The following COL28A1 variants were observed in gnomAD, a reference collection of about 807,000 sequenced individuals.
COL28A1 encodes collagen alpha-1(XXVIII) chain.
COL28A1 carries 161 observed loss-of-function variants against 150.2 expected under a neutral mutation model. The observed-to-expected ratio is 1.07, with a 90% CI of 0.94 to 1.22. The LOEUF (loss-of-function observed/expected upper bound fraction) is 1.22. COL28A1 is among the 50% of genes most tolerant of loss of function. The pLI is 0.00. For synonymous variants in COL28A1, 552 were observed against 469.7 expected (o/e 1.18, Z -2.26); for missense variants, 1,617 against 1,388.3 (o/e 1.16, Z -2.62).
intron 27 of COL28A1, among the ~76,000 whole-genome samples, chr7:7,389,062 C>A (rs1251791181): frequency 6.6e-6 from 1 of 151,860 alleles, no homozygotes; most frequent in South Asian, 2.1e-4. Flanking sequence ...AGTCATGAAG[C>A]CTTTGCCCAT....
intron 27 of COL28A1, among the ~76,000 whole-genome samples, chr7:7,394,731 A>C (rs139458437): frequency 2.1e-3 from 325 of 152,312 alleles, no homozygotes; most frequent in African/African-American, 7.4e-3. Flanking sequence ...CTAATGGAGA[A>C]GTAGGACACC....
downstream of COL28A1, chr7:7,356,269 G>C (rs867771014): frequency 6.6e-6 from 1 of 151,910 alleles, no homozygotes; most frequent in African/African-American, 2.4e-5. Context: ...GAGATATATA[G>C]AGTTTTACAT....
intron 9 of COL28A1, among the ~76,000 whole-genome samples, chr7:7,508,419 G>C (rs985238487): frequency 6.6e-6 from 1 of 152,092 alleles, no homozygotes; most frequent in Non-Finnish European, 1.5e-5. Context: ...TAGTCTACTA[G>C]AAGAGGATGA....
At chr7:7,521,094 A>C (rs555521079) in intron 5 of COL28A1, among the ~76,000 whole-genome samples, 10 of 152,298 alleles carry the variant, frequency 6.6e-5, no homozygotes, top group Non-Finnish European at 1.2e-4. Context: ...ATTAGTTGAA[A>C]ATTTTTATCC....
At chr7:7,433,670 T>TC (rs145741900) in intron 23 of COL28A1, among the ~76,000 whole-genome samples, 15,290 of 151,056 alleles carry the variant, frequency 0.1, 929 homozygotes, top group Middle Eastern at 0.22. Context: ...TACCTACAAG[T>TC]CCATTACACT....
At position 7,517,795 on chromosome 7, in the gene COL28A1, C is replaced by T. The variant is rs769208295; in HGVS notation, c.855+1G>A. 3.7e-6 allele frequency: 6 copies of T among 1,613,590 alleles called. No individual in the cohort carries two copies. The highest frequency in any genetic ancestry group is 5.1e-6 in the Non-Finnish European group (6 of 1,179,678). On this transcript the variant is annotated splice_donor_variant, in intron 7 of 34. Coordinates refer to ENST00000399429, the MANE Select transcript of COL28A1 (RefSeq NM_001037763.3). LOFTEE classifies it high-confidence loss of function. ...GGAAGGCATTCCAGTTGTGTACATA[C>T]CCCTGGACCTCTTTCTCCAGCTTCT...
chr7:7,405,141 A>G (rs1326764826), intron 27 of COL28A1, among the ~76,000 whole-genome samples: 1 of 152,244 alleles, frequency 6.6e-6, no homozygotes, highest in Non-Finnish European at 1.5e-5. Flanking sequence ...CTTCACTTTA[A>G]GCAGAAAGAA....
At chr7:7,345,801 T>G in the COL28A1 span, among the ~76,000 whole-genome samples, 3 of 152,138 alleles carry the variant, frequency 2.0e-5, no homozygotes, top group Non-Finnish European at 4.4e-5. Flanking sequence ...TTTTAGCAGC[T>G]TGACAATGAT....
chr7:7,367,858 A>C (rs1411658079), intron 33 of COL28A1, among the ~76,000 whole-genome samples: 1 of 150,532 alleles, frequency 6.6e-6, no homozygotes, highest in Non-Finnish European at 1.5e-5. Flanking sequence ...TCTCCATCTC[A>C]GTATATAGTG....
intron 13 of COL28A1, among the ~76,000 whole-genome samples, chr7:7,485,343 A>T (rs941622790): frequency 6.6e-6 from 1 of 152,002 alleles, no homozygotes; most frequent in African/African-American, 2.4e-5. Context: ...AATTTTTTTT[A>T]AAAATGTATT....
At chr7:7,431,899 G>T (rs74463668) in intron 25 of COL28A1, among the ~76,000 whole-genome samples, 66 of 152,310 alleles carry the variant, frequency 4.3e-4, no homozygotes, top group African/African-American at 1.6e-3. Flanking sequence ...AAAGGACTAG[G>T]TGTGGAGGAA....
At chr7:7,433,549 G>A (rs1785130643) in intron 23 of COL28A1, among the ~76,000 whole-genome samples, 1 of 150,962 alleles carries the variant, frequency 6.6e-6, no homozygotes, top group Non-Finnish European at 1.5e-5. Flanking sequence ...CAGGAGAATT[G>A]CTTGAACCTG....
rs12669673 is a variant in COL28A1, at chr7:7,445,380, G to A, written c.1510-891C>T. Among the ~76,000 whole-genome samples, 48 of 152,258 alleles carry A rather than the reference G, an allele frequency of 3.2e-4. 2 individuals carry two copies. The East Asian group carries it at 8.7e-3, about 28-fold the overall frequency. ...CCCTGAGAAGCTAAGATGAGACCAG[G>A]AAGCAATCTCCCTTACAGGTTTTGG... On this transcript the variant is annotated intron_variant, in intron 18 of 34. Coordinates refer to ENST00000399429, the MANE Select transcript of COL28A1 (RefSeq NM_001037763.3).
chr7:7,394,522 G>A lies in COL28A1; in HGVS notation c.2137-12910C>T, dbSNP rs568990041. On this transcript the variant is annotated intron_variant, in intron 27 of 34. Coordinates refer to ENST00000399429, the MANE Select transcript of COL28A1 (RefSeq NM_001037763.3). ...TATTCTTAAATTCATTTGAAGATGT[G>A]TTGAAAGCTGTATTTTCTGCTGCAG... Among the ~76,000 whole-genome samples, 10 of 152,298 alleles carry A rather than the reference G, an allele frequency of 6.6e-5. No individual in the cohort carries two copies. The East Asian group carries it at 1.9e-3, about 29-fold the overall frequency.
chr7:7,458,410 CTT>C (rs1395896732), intron 15 of COL28A1, among the ~76,000 whole-genome samples: 3 of 151,116 alleles, frequency 2.0e-5, no homozygotes, highest in Non-Finnish European at 4.4e-5. Flanking sequence ...GAGTGAAACT[CTT>C]GTCTCAAAAA....
chr7:7,440,995 T>C (rs1322206643), intron 20 of COL28A1, 134 bp from the exon 21 acceptor site: 4 of 483,804 alleles, frequency 8.3e-6, no homozygotes, highest in Admixed American at 6.8e-5. Flanking sequence ...CACAGCTCAA[T>C]TGCGCAGGAT....
At chr7:7,502,581 T>C (rs1471127717) in intron 11 of COL28A1, among the ~76,000 whole-genome samples, 1 of 152,210 alleles carries the variant, frequency 6.6e-6, no homozygotes, top group Non-Finnish European at 1.5e-5. Flanking sequence ...GTGGAATCTT[T>C]GCAAATGTTG....
chr7:7,413,408 T>G (rs537036853), intron 27 of COL28A1, among the ~76,000 whole-genome samples: 5 of 152,192 alleles, frequency 3.3e-5, no homozygotes, highest in Non-Finnish European at 7.3e-5. Context: ...CAATGATTGT[T>G]GACTCTTCAC....
chr7:7,483,205 G>A (rs1779443672), intron 13 of COL28A1, among the ~76,000 whole-genome samples: 2 of 152,128 alleles, frequency 1.3e-5, no homozygotes, highest in South Asian at 4.1e-4. Context: ...TCCTCATAAA[G>A]TAAAAATATA....
Sources: allele counts gnomAD v4.1 joint callset (sites outside exome capture counted in the v4.1 genomes callset), GRCh38; gene constraint gnomAD v4.1.1; transcripts MANE v1.5; gene names NCBI Gene and HGNC (gene_info 2026-07-23, HGNC 2026-07-21).